The following TLL2 variants were observed in gnomAD, a reference collection of about 807,000 sequenced individuals.
TLL2 encodes tolloid-like protein 2.
Under a neutral mutation model 123.0 loss-of-function variants are expected in TLL2, and 106 were observed. That is an observed-to-expected ratio of 0.86 (90% CI 0.74 to 1.01). The LOEUF is 1.01. TLL2 is among the 50% of genes least tolerant of loss of function. The pLI, the probability that TLL2 is intolerant of heterozygous loss-of-function variation, is 0.00. For synonymous variants in TLL2, 494 were observed against 516.8 expected (o/e 0.96, Z 0.60); for missense variants, 1,332 against 1,336.7 (o/e 1.00, Z 0.06).
At chr10:96,484,907 G>C (rs12248019) in intron 1 of TLL2, among the ~76,000 whole-genome samples, 1 of 151,884 alleles carries the variant, frequency 6.6e-6, no homozygotes, top group African/African-American at 2.4e-5. Context: ...TATAGCTTTC[G>C]AAACTTTGAA....
intron 1 of TLL2, among the ~76,000 whole-genome samples, chr10:96,483,662 A>G (rs555085298): frequency 6.6e-6 from 1 of 152,312 alleles, no homozygotes; most frequent in South Asian, 2.1e-4. Context: ...ATGACTGGAC[A>G]GGACTTTGGG....
At chr10:96,454,576 C>G (rs1332846639) in intron 2 of TLL2, among the ~76,000 whole-genome samples, 2 of 152,190 alleles carry the variant, frequency 1.3e-5, no homozygotes, top group Non-Finnish European at 2.9e-5. Context: ...TCCAGTTCTC[C>G]CCTGGCCCCT....
chr10:96,388,561 C>T lies in TLL2; in HGVS notation c.1727-1483G>A, dbSNP rs145273645. 3.2e-4 allele frequency among the ~76,000 whole-genome samples: 48 copies of T among 152,326 alleles called. 1 individual carries two copies. Among genetic ancestry groups the T allele is most frequent in the African/African-American group, 1.1e-3 (47 of 41,574 alleles). On this transcript the variant is annotated intron_variant, in intron 13 of 20. Coordinates refer to ENST00000357947, the MANE Select transcript of TLL2 (RefSeq NM_012465.4). ...TCAGTAACGTTCTGGAGAGATGGCT[C>T]TTCAGACCCTACTTGAAAACTCCCA...
intron 7 of TLL2, among the ~76,000 whole-genome samples, chr10:96,413,808 C>T (rs922807205): frequency 1.3e-5 from 2 of 152,046 alleles, no homozygotes; most frequent in Admixed American, 1.3e-4. Flanking sequence ...AGTTTGGAGG[C>T]CCTGCTGGTA....
At position 96,413,214 on chromosome 10, in the gene TLL2, G is replaced by A; in HGVS notation, c.1026C>T (p.Ala342=). Residue 342 remains alanine, a synonymous_variant, in exon 8 of 21, where the codon GCC becomes GCT. Transcript: ENST00000357947. ...VRLSQGDIAQ[A]RKLYKCPACG... ...TACCTGGGCATTTGTACAGCTTCCGGGCTTGAGCTATGTCTCCCTGACTGA... is the reference window on the plus strand; with the variant it reads ...TACCTGGGCATTTGTACAGCTTCCGAGCTTGAGCTATGTCTCCCTGACTGA... 6.2e-7 allele frequency: 1 copy of A among 1,614,150 alleles called. No homozygotes were observed. The highest frequency in any genetic ancestry group is 2.2e-5 in the East Asian group (1 of 44,888).
intron 16 of TLL2, among the ~76,000 whole-genome samples, chr10:96,380,735 A>T (rs1846179140): frequency 7.0e-6 from 1 of 142,034 alleles, no homozygotes; most frequent in Non-Finnish European, 1.5e-5. Context: ...AATGCAGAAG[A>T]GAGGCCAGGC....
At chr10:96,499,185 G>A (rs1312153059) in intron 1 of TLL2, among the ~76,000 whole-genome samples, 1 of 152,218 alleles carries the variant, frequency 6.6e-6, no homozygotes, top group Non-Finnish European at 1.5e-5. Flanking sequence ...AGGGCTGCCA[G>A]CAGTGTTCAG....
chr10:96,512,279 C>T (rs748831438), intron 1 of TLL2, among the ~76,000 whole-genome samples: 6 of 152,206 alleles, frequency 3.9e-5, no homozygotes, highest in South Asian at 4.1e-4. Flanking sequence ...CGAGCCACTG[C>T]AGTGATAGAA....
intron 17 of TLL2, among the ~76,000 whole-genome samples, chr10:96,378,215 T>G (rs59746868): frequency 0.03 from 4,640 of 152,330 alleles, 206 homozygotes; most frequent in South Asian, 0.086. Context: ...ATTCCAGAGA[T>G]CAGGGTGTGT....
intron 5 of TLL2, among the ~76,000 whole-genome samples, chr10:96,423,128 CAAA>C (rs10577803): frequency 7.1e-4 from 85 of 119,880 alleles, no homozygotes; most frequent in African/African-American, 1.3e-3. Context: ...AACACCGTCT[CAAA>C]AAAAAAAAAA....
intron 2 of TLL2, among the ~76,000 whole-genome samples, chr10:96,475,769 C>T (rs1182131665): frequency 3.9e-5 from 6 of 152,186 alleles, no homozygotes; most frequent in African/African-American, 1.2e-4. Context: ...TGTGTCCCCA[C>T]CCAAATCTCA....
rs1846638747 is a variant in TLL2, at chr10:96,422,770, A to T, written c.639-43T>A. On this transcript the variant is annotated intron_variant, in intron 5 of 20. Coordinates refer to ENST00000357947, the MANE Select transcript of TLL2 (RefSeq NM_012465.4). ...TACCCAGGTCAGCAGGTCAGAAGAC[A>T]TTCAGAGCAAGAGGCAAGTCCCCCC... 2.5e-6 allele frequency: 4 copies of T among 1,610,508 alleles called. No homozygotes were observed. The South Asian group carries it at 3.3e-5, about 13-fold the overall frequency.
At chr10:96,476,799 G>A (rs1847257677) in intron 2 of TLL2, among the ~76,000 whole-genome samples, 1 of 150,862 alleles carries the variant, frequency 6.6e-6, no homozygotes, top group Non-Finnish European at 1.5e-5. Context: ...AAAGTGTTAA[G>A]TAAAAAATTC....
rs1846016227 is a variant in TLL2, at chr10:96,365,520, A to G, written c.*2568T>C. 6.6e-6 allele frequency: 1 copy of G among 152,220 alleles called. No individual in the cohort carries two copies. The highest frequency in any genetic ancestry group is 2.4e-5 in the African/African-American group (1 of 41,456). The allele number at this position is 152,220 out of a possible 1,614,324, so 9.4% of individuals were successfully genotyped here. A position where few individuals can be genotyped will look rare whatever the true frequency, so the allele number is the denominator to read the frequency against. ...TGAACTAAAACTATTCTTGCAACTC[A>G]CTGTCATCCCCAAAGCTTGGTACCC... On this transcript the variant is annotated 3_prime_UTR_variant, in exon 21 of 21. Coordinates refer to ENST00000357947, the MANE Select transcript of TLL2 (RefSeq NM_012465.4).
intron 1 of TLL2, among the ~76,000 whole-genome samples, chr10:96,512,999 A>ACC (rs1324636092): frequency 6.6e-6 from 1 of 152,158 alleles, no homozygotes; most frequent in Non-Finnish European, 1.5e-5. Context: ...TCCCTCGGCG[A>ACC]CCCCTTTCCT....
chr10:96,373,762 G>A lies in TLL2; in HGVS notation c.2496C>T (p.Asp832=), dbSNP rs775196662. 7.4e-6 allele frequency: 12 copies of A among 1,614,116 alleles called. No homozygotes were observed. The highest frequency in any genetic ancestry group is 6.7e-5 in the Admixed American group (4 of 60,012). Residue 832 remains aspartate, a synonymous_variant, in exon 19 of 21, where the codon GAC becomes GAT. Coordinates refer to ENST00000357947, the MANE Select transcript of TLL2 (RefSeq NM_012465.4). ...EIEQHQECAY[D]HLEMYDGPDS... ...CCGGCCCGTCATACATTTCCAGGTG[G>A]TCATAGGCACATTCCTGGTGCTGCT...
At chr10:96,454,222 G>A (rs1451357499) in intron 2 of TLL2, among the ~76,000 whole-genome samples, 15 of 152,184 alleles carry the variant, frequency 9.9e-5, no homozygotes, top group Admixed American at 9.8e-4. Context: ...GGGGGAATGA[G>A]ATGGGACCTG....
At position 96,388,147 on chromosome 10, in the gene TLL2, T is replaced by A. The variant is rs1457321576; in HGVS notation, c.1727-1069A>T. On this transcript the variant is annotated intron_variant, in intron 13 of 20. Coordinates refer to ENST00000357947, the MANE Select transcript of TLL2 (RefSeq NM_012465.4). ...GGCCAGGCACGGTGGCTCACGCCTG[T>A]AATCACAGCACTTTGGGAGGCTGAG... 2.0e-5 allele frequency among the ~76,000 whole-genome samples: 3 copies of A among 152,142 alleles called. No homozygotes were observed. In the East Asian group the frequency reaches 5.8e-4, roughly 29 times the overall value.
At chr10:96,512,938 A>C (rs1186941767) in intron 1 of TLL2, among the ~76,000 whole-genome samples, 1 of 152,218 alleles carries the variant, frequency 6.6e-6, no homozygotes, top group African/African-American at 2.4e-5. Flanking sequence ...AGCGACCCTC[A>C]GGCCGGTACC....
Sources: allele counts gnomAD v4.1 joint callset (sites outside exome capture counted in the v4.1 genomes callset), GRCh38; gene constraint gnomAD v4.1.1; transcripts MANE v1.5; gene names NCBI Gene and HGNC (gene_info 2026-07-23, HGNC 2026-07-21).